The following CDH23 variants were observed in gnomAD, a reference collection of about 807,000 sequenced individuals.
CDH23 encodes the protein cadherin-23.
In CDH23, 189 loss-of-function variants were observed where a neutral mutation model predicts 317.1. The observed-to-expected ratio is 0.60, with a 90% confidence interval of 0.53 to 0.67. The LOEUF (loss-of-function observed/expected upper bound fraction) is 0.67. Ranked by LOEUF, CDH23 falls within the 30% of genes least tolerant of loss-of-function variation. The pLI is 0.00. For synonymous variants in CDH23, 1,839 were observed against 1,876.8 expected (o/e 0.98, Z 0.52); for missense variants, 4,401 against 4,592.4 (o/e 0.96, Z 1.20).
At chr10:71,681,241 T>A (rs117800609) in intron 17 of CDH23, among the ~76,000 whole-genome samples, 2,308 of 152,284 alleles carry the variant, frequency 0.015, 25 homozygotes, top group Middle Eastern at 0.031. Context: ...AATAATCTTG[T>A]TTCCCTTTTC....
intron 48 of CDH23, 155 bp from the exon 49 acceptor site, chr10:71,796,949 G>A (rs1051781960): frequency 6.8e-6 from 4 of 592,430 alleles, no homozygotes; most frequent in South Asian, 1.9e-5. Context: ...AAGCTTATGA[G>A]GAGGCTGTGG....
rs10999947 is a variant in CDH23 at position 71,675,149 on chromosome 10, G to A, written c.1487G>A (p.Ser496Asn). 0.27 allele frequency: 437,711 copies of A among 1,612,966 alleles called. 60,315 individuals are homozygous for A. Among genetic ancestry groups the A allele is most frequent in the Admixed American group, 0.3 (18,120 of 59,988 alleles). ...DNDAGTFGEV[S>N]YFFSDDPDRF... is the part of the protein sequence containing the mutation. Reference sequence around the variant, plus strand: ...GATGCAGGCACCTTTGGGGAAGTCAGCTACTTCTTCAGTGATGACCCTGAC... The same window carrying A: ...GATGCAGGCACCTTTGGGGAAGTCAACTACTTCTTCAGTGATGACCCTGAC... Residue 496 changes from serine (S) to asparagine (N), a missense_variant, in exon 15 of 70, where the codon AGC becomes AAC. Ser to Asn is a conservative substitution (Grantham distance 46, BLOSUM62 1). Around this residue, in one of 3 missense-constraint regions of CDH23, gnomAD observed 3,068 missense variants for 3,203.3 expected, o/e 0.96. Transcript: ENST00000224721.
At chr10:71,442,741 T>A (rs1033839432) in intron 2 of CDH23, among the ~76,000 whole-genome samples, 1 of 152,160 alleles carries the variant, frequency 6.6e-6, no homozygotes. Flanking sequence ...ACTCCTTCTG[T>A]CCCCAGTTGC....
chr10:71,534,106 G>A (rs188967744), intron 6 of CDH23, among the ~76,000 whole-genome samples: 38 of 152,164 alleles, frequency 2.5e-4, no homozygotes, highest in Admixed American at 1.3e-3. Flanking sequence ...CCTTTGCGCC[G>A]AGATGCCCAA....
intron 3 of CDH23, among the ~76,000 whole-genome samples, chr10:71,501,479 C>T (rs908526020): frequency 5.9e-5 from 9 of 152,120 alleles, no homozygotes; most frequent in African/African-American, 2.2e-4. Context: ...GAAGGGTGAG[C>T]CTAGAGGCCG....
intron 34 of CDH23, chr10:71,737,824 G>T: frequency 2.1e-6 from 1 of 466,766 alleles, no homozygotes; most frequent in Non-Finnish European, 4.4e-6. Flanking sequence ...AGAAGCCCGA[G>T]CCACAGACAC....
intron 1 of CDH23, among the ~76,000 whole-genome samples, chr10:71,401,294 C>T (rs1847771922): frequency 6.6e-6 from 1 of 152,170 alleles, no homozygotes; most frequent in Non-Finnish European, 1.5e-5. Flanking sequence ...CACGGTCCTT[C>T]CTTGGTGCTT....
intron 3 of CDH23, among the ~76,000 whole-genome samples, chr10:71,482,220 C>T (rs2132117313): frequency 6.6e-6 from 1 of 152,274 alleles, no homozygotes; most frequent in Non-Finnish European, 1.5e-5. Flanking sequence ...CCCTTCGTCA[C>T]TTTCTTCCTC....
At chr10:71,807,148 T>C (rs1841755869) in intron 57 of CDH23, 129 bp from the exon 58 acceptor site, 9 of 1,167,224 alleles carry the variant, frequency 7.7e-6, no homozygotes, top group African/African-American at 1.5e-5. Flanking sequence ...ACGGTTCTAC[T>C]CACCCCATAA....
intron 38 of CDH23, among the ~76,000 whole-genome samples, chr10:71,759,846 C>CACACACACACACATATAT (rs776230069): frequency 5.0e-5 from 3 of 59,932 alleles, no homozygotes; most frequent in Admixed American, 1.9e-4. Context: ...CACACACACA[C>CACACACACACACATATAT]ATATACACAC....
intron 9 of CDH23, among the ~76,000 whole-genome samples, chr10:71,600,732 G>T (rs1860166943): frequency 1.3e-5 from 2 of 151,506 alleles, no homozygotes; most frequent in African/African-American, 4.9e-5. Flanking sequence ...TAGCCGCAAT[G>T]GTCTCGATCT....
chr10:71,555,799 C>G (rs1464789103), intron 6 of CDH23, among the ~76,000 whole-genome samples: 1 of 152,176 alleles, frequency 6.6e-6, no homozygotes, highest in Non-Finnish European at 1.5e-5. Flanking sequence ...GAAAGTCAAG[C>G]TCCTGAGAAG....
chr10:71,653,725 G>A (rs568596815), intron 14 of CDH23, among the ~76,000 whole-genome samples: 1 of 152,294 alleles, frequency 6.6e-6, no homozygotes, highest in East Asian at 1.9e-4. Flanking sequence ...TTCTGGCTCT[G>A]CTGCCTGCTG....
At chr10:71,765,411 C>T (rs920412822) in intron 38 of CDH23, among the ~76,000 whole-genome samples, 10 of 152,162 alleles carry the variant, frequency 6.6e-5, no homozygotes, top group African/African-American at 2.2e-4. Context: ...AAGCAAGATG[C>T]GCAAAGCTGA....
intron 6 of CDH23, among the ~76,000 whole-genome samples, chr10:71,523,794 C>T (rs1039625973): frequency 4.6e-5 from 7 of 152,192 alleles, no homozygotes; most frequent in African/African-American, 1.7e-4. Context: ...AAAAACCTTT[C>T]TGTAGTGCTC....
chr10:71,530,697 G>C (rs1855323427), intron 6 of CDH23, among the ~76,000 whole-genome samples: 1 of 152,226 alleles, frequency 6.6e-6, no homozygotes. Context: ...GTGACCATCA[G>C]AAGAGGGAGG....
At chr10:71,506,655 C>T (rs1269987222) in intron 3 of CDH23, among the ~76,000 whole-genome samples, 1 of 151,920 alleles carries the variant, frequency 6.6e-6, no homozygotes, top group Non-Finnish European at 1.5e-5. Context: ...AGCCTTGCTT[C>T]CCGGAGAAGC....
intron 27 of CDH23, among the ~76,000 whole-genome samples, chr10:71,709,884 C>T (rs1348406358): frequency 6.6e-6 from 1 of 152,136 alleles, no homozygotes; most frequent in African/African-American, 2.4e-5. Flanking sequence ...GTGGAACTCA[C>T]AATCATGGCA....
chr10:71,682,252 A>G (rs1864683580), intron 17 of CDH23, among the ~76,000 whole-genome samples, 193 bp from the exon 18 acceptor site: 1 of 152,244 alleles, frequency 6.6e-6, no homozygotes. Context: ...TGGTGGGCGC[A>G]GCACAGGGTC....
Sources: allele counts gnomAD v4.1 joint callset (sites outside exome capture counted in the v4.1 genomes callset), GRCh38; gene constraint gnomAD v4.1.1; regional missense constraint gnomAD v4.1.1; transcripts MANE v1.5; gene names NCBI Gene and HGNC (gene_info 2026-07-23, HGNC 2026-07-21).